The following VPS26A variants were observed in gnomAD, a reference collection of about 807,000 sequenced individuals.
VPS26A encodes VPS26 retromer complex component A, also known as vacuolar protein sorting-associated protein 26A.
VPS26A carries 22 observed loss-of-function variants against 42.4 expected under a neutral mutation model. That is an observed-to-expected ratio of 0.52 (90% CI 0.37 to 0.74). VPS26A has a LOEUF of 0.74. VPS26A is among the 30% of genes least tolerant of loss of function. The pLI is 0.00. For missense variants in VPS26A, 276 were observed against 379.2 expected, an observed-to-expected ratio of 0.73 and a Z score of 2.26; for synonymous variants, 110 against 123.5, an observed-to-expected ratio of 0.89 and a Z score of 0.73.
At position 69,149,891 on chromosome 10, in the gene VPS26A, G is replaced by A. The variant is rs547855146; in HGVS notation, c.154-5921G>A. On this transcript the variant is annotated intron_variant, in intron 2 of 8. Coordinates refer to ENST00000263559, the MANE Select transcript of VPS26A (RefSeq NM_004896.5). Reference sequence around the variant, plus strand: ...CTTCCTGAGTAGCTGGAACAGGCGCGTGCCATCACGCCCTACTAATTTTTG... The same window carrying A: ...CTTCCTGAGTAGCTGGAACAGGCGCATGCCATCACGCCCTACTAATTTTTG... Among the ~76,000 whole-genome samples the A allele has an allele frequency of 5.3e-5, 8 of 151,236 alleles. No homozygotes were observed. In the South Asian group the frequency reaches 6.2e-4, roughly 12 times the overall value.
intron 8 of VPS26A, among the ~76,000 whole-genome samples, chr10:69,169,090 G>A (rs1286023753): frequency 8.3e-5 from 12 of 144,666 alleles, no homozygotes; most frequent in Non-Finnish European, 7.6e-5. Flanking sequence ...TGTGTTGCCC[G>A]GGCTGGTCTT....
At position 69,129,724 on chromosome 10, in the gene VPS26A, C is replaced by T. The variant is rs561692173; in HGVS notation, c.4-3174C>T. 2.6e-5 allele frequency among the ~76,000 whole-genome samples: 4 copies of T among 152,104 alleles called. No individual in the cohort carries two copies. In the South Asian group the frequency reaches 6.2e-4, roughly 24 times the overall value. On this transcript the variant is annotated intron_variant, in intron 1 of 8. Coordinates refer to ENST00000263559, the MANE Select transcript of VPS26A (RefSeq NM_004896.5). Reference sequence around the variant, plus strand: ...ATGTTTAGTAGAGACGGGGTTTCACCGTGTTAGCCAGGCTGGTCTCGAACT... The same window carrying T: ...ATGTTTAGTAGAGACGGGGTTTCACTGTGTTAGCCAGGCTGGTCTCGAACT...
At chr10:69,135,558 T>G (rs1396010893) in intron 2 of VPS26A, among the ~76,000 whole-genome samples, 3 of 152,172 alleles carry the variant, frequency 2.0e-5, no homozygotes, top group Admixed American at 6.5e-5. Context: ...GATTGGGCAA[T>G]GTAGCAAGAT....
rs1212193994 is a variant in VPS26A, at chr10:69,173,398, C to T, written c.*2129C>T. Among the ~76,000 whole-genome samples the T allele has an allele frequency of 1.3e-5, 2 of 152,148 alleles. No homozygotes were observed. Among genetic ancestry groups the T allele is most frequent in the Non-Finnish European group, 2.9e-5 (2 of 68,028 alleles). ...TCTCAGCCACTTCAGGAGTCTGAGGCGGAAGGATCACCTGGAATTCGAGAC... is the reference window on the plus strand; with the variant it reads ...TCTCAGCCACTTCAGGAGTCTGAGGTGGAAGGATCACCTGGAATTCGAGAC... On this transcript the variant is annotated 3_prime_UTR_variant, in exon 9 of 9. Transcript: ENST00000263559.
At chr10:69,153,308 C>T (rs1443987267) in intron 2 of VPS26A, among the ~76,000 whole-genome samples, 1 of 151,938 alleles carries the variant, frequency 6.6e-6, no homozygotes, top group Non-Finnish European at 1.5e-5. Context: ...CCTCGGCCTC[C>T]CAAAGTGCTA....
intron 8 of VPS26A, chr10:69,170,499 A>G (rs1056680131): frequency 3.3e-5 from 5 of 152,108 alleles, no homozygotes; most frequent in African/African-American, 9.7e-5. Flanking sequence ...AGTTCTCAGG[A>G]TGGATTGGTT....
At position 69,174,270 on chromosome 10, in the gene VPS26A, T is replaced by C. The variant is rs972062159; in HGVS notation, c.*3001T>C. 1.3e-5 allele frequency among the ~76,000 whole-genome samples: 2 copies of C among 152,118 alleles called. No individual in the cohort carries two copies. Among genetic ancestry groups the C allele is most frequent in the African/African-American group, 2.4e-5 (1 of 41,404 alleles). On this transcript the variant is annotated 3_prime_UTR_variant, in exon 9 of 9. Transcript: ENST00000263559. ...GGAAGGAACCAACTCTGGACACACC[T>C]TGAGTACACGAATTTGAAATTACAC... is the stretch of plus-strand genomic sequence containing the variant.
Position 69,151,941 on chromosome 10 carries a change from T to C in VPS26A, c.154-3871T>C, listed in dbSNP as rs146905476. ...TGTGGTTCAAATATAAAATTTTTAA[T>C]GTTAAGCCTGTTTAAGTACTACTTT... On this transcript the variant is annotated intron_variant, in intron 2 of 8. Transcript: ENST00000263559. Among the ~76,000 whole-genome samples the C allele has an allele frequency of 3.4e-4, 52 of 152,356 alleles. No homozygotes were observed. In the East Asian group the frequency reaches 9.4e-3, roughly 28 times the overall value.
chr10:69,151,282 A>AAAAAAAAAAAAAAAAAAAC (rs71035063), intron 2 of VPS26A, among the ~76,000 whole-genome samples: 25 of 136,818 alleles, frequency 1.8e-4, no homozygotes, highest in African/African-American at 7.6e-4. Flanking sequence ...AAAAAAAAAA[A>AAAAAAAAAAAAAAAAAAAC]ACACACACAC....
intron 2 of VPS26A, among the ~76,000 whole-genome samples, chr10:69,134,025 T>C (rs1228072149): frequency 6.6e-6 from 1 of 152,112 alleles, no homozygotes; most frequent in Non-Finnish European, 1.5e-5. Flanking sequence ...TCAATACTTA[T>C]TAGTGGTCAG....
At chr10:69,169,350 C>T (rs1166308234) in intron 8 of VPS26A, among the ~76,000 whole-genome samples, 2 of 151,970 alleles carry the variant, frequency 1.3e-5, no homozygotes, top group African/African-American at 4.8e-5. Flanking sequence ...AGGCACGTAC[C>T]ACTGTGCCCT....
At chr10:69,163,177 C>T (rs1841601263) in intron 6 of VPS26A, among the ~76,000 whole-genome samples, 1 of 152,156 alleles carries the variant, frequency 6.6e-6, no homozygotes, top group Non-Finnish European at 1.5e-5. Context: ...TGTGGACATA[C>T]TGGTTGTTTC....
At chr10:69,134,122 C>A (rs189744580) in intron 2 of VPS26A, among the ~76,000 whole-genome samples, 95 of 152,248 alleles carry the variant, frequency 6.2e-4, no homozygotes, top group African/African-American at 2.2e-3. Flanking sequence ...TAGGATTTTT[C>A]TCCCCTGCTT....
Position 69,173,872 on chromosome 10 carries a change from C to G in VPS26A, c.*2603C>G, listed in dbSNP as rs1021305316. Among the ~76,000 whole-genome samples, 1 of 151,140 alleles carries G rather than the reference C, an allele frequency of 6.6e-6. No individual in the cohort carries two copies. On this transcript the variant is annotated 3_prime_UTR_variant, in exon 9 of 9. Coordinates refer to ENST00000263559, the MANE Select transcript of VPS26A (RefSeq NM_004896.5). ...ATTAGTCGGGCGTGGTGGCACATGC[C>G]TGTAATCCCAGCTACTAGGGAGGCT...
chr10:69,144,366 G>T (rs1841109243), intron 2 of VPS26A, among the ~76,000 whole-genome samples: 1 of 152,084 alleles, frequency 6.6e-6, no homozygotes, highest in South Asian at 2.1e-4. Context: ...ATATCATATA[G>T]AATAGTTTAA....
chr10:69,151,278 A>AAAAAAAC (rs1554854474), intron 2 of VPS26A, among the ~76,000 whole-genome samples: 21 of 56,418 alleles, frequency 3.7e-4, no homozygotes, highest in South Asian at 6.8e-4. Flanking sequence ...AAAAAAAAAA[A>AAAAAAAC]AAAAACACAC....
At chr10:69,166,426 C>T (rs1841688798) in intron 7 of VPS26A, among the ~76,000 whole-genome samples, 3 of 152,040 alleles carry the variant, frequency 2.0e-5, no homozygotes, top group African/African-American at 7.3e-5. Flanking sequence ...TGTTTTTTCT[C>T]CTGACCACAA....
intron 1 of VPS26A, among the ~76,000 whole-genome samples, chr10:69,125,714 A>C (rs1452512499): frequency 6.6e-6 from 1 of 152,228 alleles, no homozygotes; most frequent in Non-Finnish European, 1.5e-5. Flanking sequence ...ATGGTCACAG[A>C]TGTAATATAT....
chr10:69,133,211 C>T (rs1840826191), intron 2 of VPS26A, among the ~76,000 whole-genome samples, 164 bp downstream of exon 2: 1 of 151,444 alleles, frequency 6.6e-6, no homozygotes, highest in East Asian at 1.9e-4. Flanking sequence ...ATAATCTTTC[C>T]TGCAAAGGAA....
Sources: allele counts gnomAD v4.1 joint callset (sites outside exome capture counted in the v4.1 genomes callset), GRCh38; gene constraint gnomAD v4.1.1; transcripts MANE v1.5; gene names NCBI Gene and HGNC (gene_info 2026-07-23, HGNC 2026-07-21).